The following FKBP9 variants were observed in gnomAD, a reference collection of about 807,000 sequenced individuals.
The protein encoded by FKBP9 is peptidyl-prolyl cis-trans isomerase FKBP9.
FKBP9 carries 27 observed loss-of-function variants against 55.6 expected under a neutral mutation model. That is an observed-to-expected ratio of 0.49 (90% confidence interval 0.36 to 0.67). The LOEUF (loss-of-function observed/expected upper bound fraction) is 0.67, where lower values mean the gene tolerates loss of function less well. FKBP9 is among the 30% of genes least tolerant of loss of function. FKBP9 has a pLI of 0.00. For missense variants in FKBP9, 539 were observed against 742.8 expected (o/e 0.73, Z 3.19); for synonymous variants, 267 against 296.5 (o/e 0.90, Z 1.02).
intron 6 of FKBP9, among the ~76,000 whole-genome samples, chr7:32,989,403 T>A (rs1784640436): frequency 6.6e-6 from 1 of 152,048 alleles, no homozygotes; most frequent in South Asian, 2.1e-4. Flanking sequence ...AAATAAAGAT[T>A]TTTTTTCCTT....
At chr7:32,963,494 C>T (rs565082542) in intron 1 of FKBP9, 26 of 621,120 alleles carry the variant, frequency 4.2e-5, no homozygotes, top group African/African-American at 4.1e-4. Context: ...AGATCAGCCT[C>T]ATTGGGGCTT....
Position 33,000,195 on chromosome 7 carries a change from T to A in FKBP9, c.1307T>A (p.Met436Lys). The change falls in exon 8 of 10, where the codon ATG becomes AAG. Residue 436 changes from methionine (M) to lysine (K), a missense_variant. Transcript: ENST00000242209. ...GGGATGGACATGGGTCTCAGAGAGA[T>A]GTGCGTTGGCGAGAAACGGACAGTG... ...VLGMDMGLRE[M>K]CVGEKRTVII... The A allele has an allele frequency of 1.2e-6, 2 of 1,613,654 alleles. No individual in the cohort carries two copies. Among genetic ancestry groups the A allele is most frequent in the Non-Finnish European group, 1.7e-6 (2 of 1,179,828 alleles).
chr7:33,000,743 T>C (rs6943296), intron 8 of FKBP9, among the ~76,000 whole-genome samples: 84,816 of 151,570 alleles, frequency 0.56, 24,291 homozygotes, highest in Non-Finnish European at 0.59. Flanking sequence ...TTTTACTCCA[T>C]CATTTCAGCC....
chr7:33,004,144 G>A (rs116431631), intron 9 of FKBP9, among the ~76,000 whole-genome samples: 1,794 of 152,140 alleles, frequency 0.012, 38 homozygotes, highest in African/African-American at 0.04. Context: ...TACCTTGAGA[G>A]CACACACAGA....
At chr7:32,963,775 A>G (rs1038698264) in intron 1 of FKBP9, 2 of 1,279,226 alleles carry the variant, frequency 1.6e-6, no homozygotes. Context: ...GAGTGCTCCA[A>G]TAAGCTCCCC....
At chr7:32,999,841 C>A (rs1784900063) in intron 7 of FKBP9, among the ~76,000 whole-genome samples, 2 of 152,054 alleles carry the variant, frequency 1.3e-5, no homozygotes, top group South Asian at 4.1e-4. Context: ...CTCCTGGGCT[C>A]AAGCAAAAAG....
At chr7:33,002,375 C>T (rs1470734689) in intron 8 of FKBP9, among the ~76,000 whole-genome samples, 5 of 152,144 alleles carry the variant, frequency 3.3e-5, no homozygotes, top group African/African-American at 4.8e-5. Context: ...TCAAGTGATC[C>T]GCCCGAGTCG....
chr7:32,960,395 G>A (rs1485951809), intron 1 of FKBP9, among the ~76,000 whole-genome samples: 53 of 152,118 alleles, frequency 3.5e-4, no homozygotes, highest in African/African-American at 1.2e-3. Flanking sequence ...GATTACAGGC[G>A]GGAGCCACCA....
At chr7:32,996,518 C>T (rs1237262637) in intron 7 of FKBP9, among the ~76,000 whole-genome samples, 169 bp downstream of exon 7, 6 of 151,524 alleles carry the variant, frequency 4.0e-5, no homozygotes, top group African/African-American at 1.5e-4. Flanking sequence ...TAAGAGTTTC[C>T]TATTAATGGT....
intron 1 of FKBP9, among the ~76,000 whole-genome samples, chr7:32,969,332 T>C (rs1476827088): frequency 6.6e-6 from 1 of 151,994 alleles, no homozygotes; most frequent in Non-Finnish European, 1.5e-5. Context: ...TTCCCTTGTG[T>C]TTTTTTCCTA....
intron 6 of FKBP9, among the ~76,000 whole-genome samples, chr7:32,991,877 G>A (rs1784691251): frequency 6.6e-6 from 1 of 151,944 alleles, no homozygotes; most frequent in Non-Finnish European, 1.5e-5. Context: ...AGAGAGGAAA[G>A]TTAATAAATT....
At chr7:33,001,736 A>G (rs964009441) in intron 8 of FKBP9, among the ~76,000 whole-genome samples, 1 of 152,134 alleles carries the variant, frequency 6.6e-6, no homozygotes, top group African/African-American at 2.4e-5. Flanking sequence ...ATTTGTGCTT[A>G]CAGTCAAATC....
intron 4 of FKBP9, among the ~76,000 whole-genome samples, chr7:32,978,839 A>G (rs79620332): frequency 0.33 from 49,738 of 152,148 alleles, 10,133 homozygotes; most frequent in Non-Finnish European, 0.46. Flanking sequence ...TTATTTTTGA[A>G]TACTTTATAC....
chr7:32,980,733 T>C (rs1784461076), intron 5 of FKBP9, among the ~76,000 whole-genome samples, 180 bp downstream of exon 5: 2 of 152,104 alleles, frequency 1.3e-5, no homozygotes, highest in African/African-American at 4.8e-5. Flanking sequence ...TTCCTTTCTT[T>C]CTTTCTTTTT....
At chr7:32,966,147 C>T (rs1334032472) in intron 1 of FKBP9, among the ~76,000 whole-genome samples, 4 of 129,946 alleles carry the variant, frequency 3.1e-5, no homozygotes, top group South Asian at 2.7e-4. Flanking sequence ...GAGCCAAGAT[C>T]GTGCCACTGC....
At chr7:32,962,505 A>G (rs1215090879) in intron 1 of FKBP9, among the ~76,000 whole-genome samples, 4 of 152,026 alleles carry the variant, frequency 2.6e-5, no homozygotes, top group African/African-American at 7.2e-5. Context: ...ACAGCGTCTC[A>G]CTTTGTTGCC....
intron 2 of FKBP9, chr7:32,974,965 T>C: frequency 3.1e-6 from 2 of 635,570 alleles, no homozygotes; most frequent in Non-Finnish European, 2.7e-6. Flanking sequence ...ACAGATGTAC[T>C]GAATGATACC....
intron 1 of FKBP9, among the ~76,000 whole-genome samples, chr7:32,968,099 C>T (rs1784182659): frequency 6.6e-6 from 1 of 152,170 alleles, no homozygotes; most frequent in South Asian, 2.1e-4. Flanking sequence ...AGTGCAGTGG[C>T]ATGATCACAG....
At chr7:32,958,287 T>A (rs2127974264) in intron 1 of FKBP9, among the ~76,000 whole-genome samples, 1 of 152,392 alleles carries the variant, frequency 6.6e-6, no homozygotes, top group Non-Finnish European at 1.5e-5. Flanking sequence ...TAACAATGTG[T>A]AGGTGTAGTT....
Sources: allele counts gnomAD v4.1 joint callset (sites outside exome capture counted in the v4.1 genomes callset), GRCh38; gene constraint gnomAD v4.1.1; transcripts MANE v1.5; gene names NCBI Gene and HGNC (gene_info 2026-07-23, HGNC 2026-07-21).